IL18RAP: variants seen among roughly 807,000 people sequenced by gnomAD.
IL18RAP encodes the protein interleukin 18 receptor accessory protein, also known as interleukin-18 receptor accessory protein.
IL18RAP carries 37 observed loss-of-function variants against 58.1 expected under a neutral mutation model. The ratio of observed to expected loss-of-function variants is 0.64; its 90% CI spans 0.49 to 0.84. The LOEUF is 0.84. Among genes scored for constraint, IL18RAP ranks in the 40% least tolerant of loss-of-function variants. The pLI is 0.00. For missense variants in IL18RAP, 667 were observed against 704.8 expected (o/e 0.95, Z 0.61); for synonymous variants, 268 against 257.5 (o/e 1.04, Z -0.39).
intron 9 of IL18RAP, among the ~76,000 whole-genome samples, 183 bp downstream of exon 9, chr2:102,451,204 C>T (rs1316212691): frequency 6.6e-6 from 1 of 152,186 alleles, no homozygotes; most frequent in Non-Finnish European, 1.5e-5. Flanking sequence ...CAAACAAATC[C>T]ATCTGCAGAA....
At chr2:102,427,328 A>C (rs972825754) in intron 3 of IL18RAP, among the ~76,000 whole-genome samples, 2 of 152,122 alleles carry the variant, frequency 1.3e-5, no homozygotes, top group African/African-American at 4.8e-5. Flanking sequence ...ATGAGACTTC[A>C]TAGAGTTTCT....
At chr2:102,443,099 T>C (rs942893360) in intron 5 of IL18RAP, 101 bp from the exon 6 acceptor site, 25 of 1,124,730 alleles carry the variant, frequency 2.2e-5, no homozygotes, top group African/African-American at 7.8e-5. Context: ...GCAAACCTGA[T>C]TGCATCAGGA....
intron 9 of IL18RAP, 133 bp downstream of exon 9, chr2:102,451,154 C>T (rs1683740348): frequency 3.1e-6 from 2 of 645,132 alleles, no homozygotes; most frequent in Non-Finnish European, 5.0e-6. Context: ...TCTTGGGCAA[C>T]AACACAGAAA....
At chr2:102,439,049 G>A (rs143082743) in intron 4 of IL18RAP, 1 of 152,326 alleles carries the variant, frequency 6.6e-6, no homozygotes, top group African/African-American at 2.4e-5. Context: ...ATGAAGAAGA[G>A]CATCTGGGAG....
upstream of IL18RAP, among the ~76,000 whole-genome samples, chr2:102,419,246 T>C (rs962034216): frequency 6.6e-6 from 1 of 152,224 alleles, no homozygotes. Context: ...TAAACTTAAC[T>C]GTAACATCTT....
chr2:102,428,238 A>T lies in IL18RAP; in HGVS notation c.579+3824A>T, dbSNP rs571500189. On this transcript the variant is annotated intron_variant, in intron 3 of 9. Transcript: ENST00000687160. ...GTAGTTTTTTGTATTTCTGTAAAAA[A>T]CAACGACATTTTGATAGGGTTTGCA... 2.0e-5 allele frequency among the ~76,000 whole-genome samples: 3 copies of T among 151,956 alleles called. No individual in the cohort carries two copies. In the East Asian group the frequency reaches 5.8e-4, roughly 29 times the overall value.
At chr2:102,429,345 A>G (rs1682183022) in intron 3 of IL18RAP, among the ~76,000 whole-genome samples, 1 of 151,896 alleles carries the variant, frequency 6.6e-6, no homozygotes, top group Admixed American at 6.6e-5. Context: ...TAGGTTATTC[A>G]TTTTATTGGC....
intron 7 of IL18RAP, 81 bp downstream of exon 7, chr2:102,445,421 T>C (rs1044423923): frequency 5.1e-6 from 7 of 1,362,820 alleles, no homozygotes; most frequent in Non-Finnish European, 7.2e-6. Context: ...ATAGTAATAA[T>C]GATGACAGCG....
intron 4 of IL18RAP, chr2:102,439,625 A>T (rs1682974204): frequency 6.6e-6 from 1 of 152,304 alleles, no homozygotes; most frequent in South Asian, 2.1e-4. Context: ...GAGCATGATA[A>T]TGGTTTTTAC....
chr2:102,443,579 C>G (rs535182981), intron 6 of IL18RAP, among the ~76,000 whole-genome samples: 1 of 152,176 alleles, frequency 6.6e-6, no homozygotes, highest in Admixed American at 6.5e-5. Flanking sequence ...CTGACCCAGA[C>G]TGCTTGGAGA....
rs771346219 is a variant in IL18RAP at position 102,424,165 on chromosome 2, A to G, written c.395+30A>G. On this transcript the variant is annotated intron_variant, in intron 2 of 9. Coordinates refer to ENST00000687160, the MANE Select transcript of IL18RAP (RefSeq NM_001393487.1). ...GATCCAAATACATTTCTATCTGAAA[A>G]CATTTCCAAATCCTCTATTATCTAG... 3.1e-6 allele frequency: 5 copies of G among 1,606,344 alleles called. No homozygotes were observed. In the South Asian group the frequency reaches 3.3e-5, roughly 11 times the overall value.
chr2:102,447,300 T>G, intron 8 of IL18RAP, 93 bp downstream of exon 8: 1 of 1,407,166 alleles, frequency 7.1e-7, no homozygotes, highest in South Asian at 1.4e-5. Context: ...CCCCTTGGCT[T>G]TGTTTCCTCA....
At position 102,452,251 on chromosome 2, in the gene IL18RAP, T is replaced by C. The variant is rs985495567; in HGVS notation, c.*70T>C. On this transcript the variant is annotated 3_prime_UTR_variant, in exon 10 of 10. Transcript: ENST00000687160. ...TGTTGCTGGACAGAACTCACAGCTC[T>C]GTGTGTGTGTGTTCAGGCTGATAGG... 4 of 1,203,226 alleles carry C rather than the reference T, an allele frequency of 3.3e-6. No homozygotes were observed. In the African/African-American group the frequency reaches 4.6e-5, roughly 14 times the overall value. 74.5% of individuals were successfully genotyped at this position (1,203,226 alleles called of 1,614,324 possible). A position where few individuals can be genotyped will look rare whatever the true frequency, so the allele number is the denominator to read the frequency against.
At chr2:102,429,652 G>A (rs765184006) in intron 3 of IL18RAP, among the ~76,000 whole-genome samples, 1 of 151,636 alleles carries the variant, frequency 6.6e-6, no homozygotes, top group Admixed American at 6.6e-5. Context: ...ATCTTTCTGT[G>A]TATCATTAGA....
upstream of IL18RAP, among the ~76,000 whole-genome samples, chr2:102,420,930 A>C (rs1484817698): frequency 3.3e-5 from 5 of 152,208 alleles, no homozygotes; most frequent in Non-Finnish European, 7.3e-5. Context: ...TTTATTACTA[A>C]TTGTTCATTT....
At chr2:102,432,688 G>A (rs747957717) in intron 3 of IL18RAP, among the ~76,000 whole-genome samples, 2 of 152,174 alleles carry the variant, frequency 1.3e-5, no homozygotes, top group Non-Finnish European at 2.9e-5. Context: ...GGGGCCAGCT[G>A]CTCCTTCTGC....
In IL18RAP at chr2:102,424,216, T is replaced by C. The variant is rs1365397241; in HGVS notation, c.396-15T>C. ...ACAAAATATCTATGTTCACAGGATC[T>C]TGTTAATTTCCTAGGAGCCCCTATG... On this transcript the variant is annotated splice_polypyrimidine_tract_variant and intron_variant, in intron 2 of 9. Coordinates refer to ENST00000687160, the MANE Select transcript of IL18RAP (RefSeq NM_001393487.1). 6.2e-7 allele frequency: 1 copy of C among 1,613,112 alleles called. No homozygotes were observed. The highest frequency in any genetic ancestry group is 1.3e-5 in the African/African-American group (1 of 74,968).
At chr2:102,428,628 A>G (rs1278557906) in intron 3 of IL18RAP, among the ~76,000 whole-genome samples, 3 of 151,918 alleles carry the variant, frequency 2.0e-5, no homozygotes, top group Non-Finnish European at 4.4e-5. Flanking sequence ...AGAGTTTTCT[A>G]TAAATGAGAT....
In IL18RAP at chr2:102,429,011, C is replaced by G. The variant is rs867166021; in HGVS notation, c.579+4597C>G. On this transcript the variant is annotated intron_variant, in intron 3 of 9. Transcript: ENST00000687160. ...ATGTAGTCTATCATATTTATTGATT[C>G]ATGTATATTGAAACATCCTTGCATC... is the stretch of plus-strand genomic sequence containing the variant. Among the ~76,000 whole-genome samples the G allele has an allele frequency of 5.9e-5, 9 of 151,958 alleles. No individual in the cohort carries two copies. In the South Asian group the frequency reaches 6.2e-4, roughly 11 times the overall value.
Sources: gnomAD v4.1 joint callset for allele counts (sites outside exome capture counted in the v4.1 genomes callset) on GRCh38, gnomAD v4.1.1 for gene constraint, MANE v1.5 for transcripts, NCBI Gene and HGNC (gene_info 2026-07-23, HGNC 2026-07-21) for gene names.